The following XKR4 variants were observed in gnomAD, a reference collection of about 807,000 sequenced individuals.
XKR4 encodes XK-related protein 4.
Under a neutral mutation model 53.9 loss-of-function variants are expected in XKR4, and 12 were observed. The observed-to-expected ratio is 0.22, with a 90% confidence interval of 0.14 to 0.36. The LOEUF (loss-of-function observed/expected upper bound fraction) is 0.36, where lower values mean the gene tolerates loss of function less well. XKR4 is among the 10% of genes least tolerant of loss of function. The pLI is 1.00. For missense variants in XKR4, 799 were observed against 859.5 expected, an observed-to-expected ratio of 0.93 and a Z score of 0.88; for synonymous variants, 354 against 362.4, an observed-to-expected ratio of 0.98 and a Z score of 0.26.
rs1469196433 is a variant in XKR4, at chr8:55,525,787, G to A, written c.*1560G>A. ...GCATCATCACATTTTTTATAGACCT[G>A]GAATCGTTTAAAATACTTTAAGCAT... On this transcript the variant is annotated 3_prime_UTR_variant, in exon 3 of 3. Coordinates refer to ENST00000327381, the MANE Select transcript of XKR4 (RefSeq NM_052898.2). 1 of 152,486 alleles carries A rather than the reference G, an allele frequency of 6.6e-6. No homozygotes were observed. Among genetic ancestry groups the A allele is most frequent in the Non-Finnish European group, 1.5e-5 (1 of 68,014 alleles). The allele number at this position is 152,486 out of a possible 1,614,324, so 9.4% of individuals were successfully genotyped here.
At position 55,528,368 on chromosome 8, in the gene XKR4, C is replaced by G. The variant is rs899419938; in HGVS notation, c.*4141C>G. On this transcript the variant is annotated 3_prime_UTR_variant, in exon 3 of 3. Transcript: ENST00000327381. The stretch of plus-strand genomic sequence containing the variant: ...ATTGAGCAAAGAGAACCTCTTCTGT[C>G]CTTACCAGGATTGTGTAAGGTTACA... 6.6e-6 allele frequency: 1 copy of G among 152,220 alleles called. No individual in the cohort carries two copies. Among genetic ancestry groups the G allele is most frequent in the Non-Finnish European group, 1.5e-5 (1 of 68,036 alleles). The allele number at this position is 152,220 out of a possible 1,614,324, so 9.4% of individuals were successfully genotyped here.
chr8:55,452,183 A>C, intron 2 of XKR4: 1 of 725,736 alleles, frequency 1.4e-6, no homozygotes, highest in East Asian at 2.7e-5. Context: ...CGGCACTGTC[A>C]GACCCCACCT....
At chr8:55,179,135 GT>G (rs1265469459) in intron 1 of XKR4, among the ~76,000 whole-genome samples, 2 of 152,034 alleles carry the variant, frequency 1.3e-5, no homozygotes, top group Admixed American at 1.3e-4. Context: ...AAATATCAAA[GT>G]TTACTAGTAG....
At chr8:55,326,696 C>T (rs920235893) in intron 1 of XKR4, among the ~76,000 whole-genome samples, 7 of 151,730 alleles carry the variant, frequency 4.6e-5, no homozygotes, top group Admixed American at 1.3e-4. Context: ...GTTTCAAACT[C>T]CTTGGCTCAA....
chr8:55,256,082 C>T (rs117159076), intron 1 of XKR4, among the ~76,000 whole-genome samples: 2,378 of 151,678 alleles, frequency 0.016, 27 homozygotes, highest in Non-Finnish European at 0.023. Flanking sequence ...ATTAATAGCT[C>T]AGGGGAGCTG....
intron 2 of XKR4, among the ~76,000 whole-genome samples, chr8:55,437,008 A>G (rs1276086101): frequency 6.6e-6 from 1 of 152,178 alleles, no homozygotes; most frequent in African/African-American, 2.4e-5. Flanking sequence ...TATGAAAGGT[A>G]CGGGATTTGC....
chr8:55,425,553 A>C lies in XKR4; in HGVS notation c.1006+67676A>C, dbSNP rs538371151. ...ATCTTCACCTTTAACTCTTACAGTCACCTCCCAAATGAGTATGTTCAAAGC... is the reference window on the plus strand; with the variant it reads ...ATCTTCACCTTTAACTCTTACAGTCCCCTCCCAAATGAGTATGTTCAAAGC... On this transcript the variant is annotated intron_variant, in intron 2 of 2. Transcript: ENST00000327381. Among the ~76,000 whole-genome samples, 6 of 151,942 alleles carry C rather than the reference A, an allele frequency of 3.9e-5. No individual in the cohort carries two copies. In the East Asian group the frequency reaches 1.2e-3, roughly 29 times the overall value.
chr8:55,500,723 C>T (rs1040849688), intron 2 of XKR4, among the ~76,000 whole-genome samples: 3 of 152,134 alleles, frequency 2.0e-5, no homozygotes, highest in African/African-American at 2.4e-5. Context: ...GACAGGGACA[C>T]GCTAGGTGCT....
chr8:55,253,652 G>C (rs55744239), intron 1 of XKR4, among the ~76,000 whole-genome samples: 10,623 of 152,148 alleles, frequency 0.07, 516 homozygotes, highest in Non-Finnish European at 0.11. Context: ...AAGCCAAGGA[G>C]GCAAAGGGGT....
At chr8:55,347,032 A>G (rs1803658493) in intron 1 of XKR4, among the ~76,000 whole-genome samples, 1 of 152,254 alleles carries the variant, frequency 6.6e-6, no homozygotes, top group African/African-American at 2.4e-5. Context: ...TTTATCTTAC[A>G]TATGAACTGT....
chr8:55,348,917 G>A (rs774392235), intron 1 of XKR4, among the ~76,000 whole-genome samples: 1 of 152,102 alleles, frequency 6.6e-6, no homozygotes, highest in African/African-American at 2.4e-5. Flanking sequence ...GAGAGAAAGA[G>A]ATGAAAGAGA....
In XKR4 at chr8:55,174,150, A is replaced by G. The variant is rs537682430; in HGVS notation, c.806+70856A>G. On this transcript the variant is annotated intron_variant, in intron 1 of 2. Coordinates refer to ENST00000327381, the MANE Select transcript of XKR4 (RefSeq NM_052898.2). ...TAAAATGTTTTTATATGATCATTTAAAAAAAAAGAATGCAAATGCTTAGTT... is the reference window on the plus strand; with the variant it reads ...TAAAATGTTTTTATATGATCATTTAGAAAAAAAGAATGCAAATGCTTAGTT... Among the ~76,000 whole-genome samples, 52 of 149,854 alleles carry G rather than the reference A, an allele frequency of 3.5e-4. No individual in the cohort carries two copies. In the South Asian group the frequency reaches 0.01, roughly 30 times the overall value.
chr8:55,476,115 CAG>C (rs1175619273), intron 2 of XKR4, among the ~76,000 whole-genome samples: 1 of 152,044 alleles, frequency 6.6e-6, no homozygotes, highest in East Asian at 1.9e-4. Flanking sequence ...GGATCACTCA[CAG>C]ACAGTCTAAT....
At chr8:55,431,577 TTA>T (rs1805105442) in intron 2 of XKR4, among the ~76,000 whole-genome samples, 1 of 152,220 alleles carries the variant, frequency 6.6e-6, no homozygotes, top group Non-Finnish European at 1.5e-5. Flanking sequence ...AAACCTGTGT[TTA>T]TGTTATCGCA....
intron 1 of XKR4, among the ~76,000 whole-genome samples, chr8:55,187,381 T>C (rs1378883613): frequency 6.8e-6 from 1 of 146,796 alleles, no homozygotes; most frequent in East Asian, 2.0e-4. Flanking sequence ...AGTGAACACA[T>C]AGATACACTA....
Position 55,249,365 on chromosome 8 carries a change from G to A in XKR4, c.807-108313G>A, listed in dbSNP as rs532277584. ...GTTTAGCAACATCAGTCTCCTTTCT[G>A]TAGACGCTTTATCTACTCAAGTTAC... On this transcript the variant is annotated intron_variant, in intron 1 of 2. Coordinates refer to ENST00000327381, the MANE Select transcript of XKR4 (RefSeq NM_052898.2). Among the ~76,000 whole-genome samples the A allele has an allele frequency of 6.9e-4, 105 of 152,226 alleles. 1 individual carries two copies. The highest frequency in any genetic ancestry group is 2.4e-3 in the African/African-American group (100 of 41,528).
At chr8:55,130,744 C>T (rs764318728) in intron 1 of XKR4, among the ~76,000 whole-genome samples, 1 of 151,322 alleles carries the variant, frequency 6.6e-6, no homozygotes, top group East Asian at 1.9e-4. Flanking sequence ...TATATGTGCA[C>T]GTGTGTGTGT....
chr8:55,312,136 T>C lies in XKR4; in HGVS notation c.807-45542T>C, dbSNP rs967607477. 3.6e-4 allele frequency among the ~76,000 whole-genome samples: 54 copies of C among 152,104 alleles called. 2 individuals carry two copies. The highest frequency in any genetic ancestry group is 1.2e-3 in the African/African-American group (51 of 41,532). Reference sequence around the variant, plus strand: ...GGCCACTTTGAACCCTGTTCTGTGATTTTTAGATGTGGATACAATGAAGTT... The same window carrying C: ...GGCCACTTTGAACCCTGTTCTGTGACTTTTAGATGTGGATACAATGAAGTT... On this transcript the variant is annotated intron_variant, in intron 1 of 2. Transcript: ENST00000327381.
At chr8:55,181,070 A>T (rs1287699291) in intron 1 of XKR4, among the ~76,000 whole-genome samples, 1 of 152,208 alleles carries the variant, frequency 6.6e-6, no homozygotes, top group Non-Finnish European at 1.5e-5. Context: ...TCTTCTATGA[A>T]TAGATCCAAG....
Sources: gnomAD v4.1 joint callset for allele counts (sites outside exome capture counted in the v4.1 genomes callset) on GRCh38, gnomAD v4.1.1 for gene constraint, MANE v1.5 for transcripts, NCBI Gene and HGNC (gene_info 2026-07-23, HGNC 2026-07-21) for gene names.